ANO3: variants seen among roughly 807,000 people sequenced by gnomAD.
ANO3 encodes anoctamin 3, also known as anoctamin-3.
Under a neutral mutation model 144.8 loss-of-function variants are expected in ANO3, and 99 were observed. The ratio of observed to expected loss-of-function variants is 0.68; its 90% CI spans 0.58 to 0.81. The LOEUF (loss-of-function observed/expected upper bound fraction) is 0.81, where lower values mean the gene tolerates loss of function less well. Among genes scored for constraint, ANO3 ranks in the 30% least tolerant of loss-of-function variants. ANO3 has a pLI of 0.00. For synonymous variants in ANO3, 414 were observed against 392.6 expected, an observed-to-expected ratio of 1.05 and a Z score of -0.64; for missense variants, 905 against 1,202.2, an observed-to-expected ratio of 0.75 and a Z score of 3.66.
chr11:26,199,081 ATTTCTGGGAGATCAAT>A (rs1427953291), intron 1 of ANO3, among the ~76,000 whole-genome samples: 1 of 151,410 alleles, frequency 6.6e-6, no homozygotes, highest in Non-Finnish European at 1.5e-5. Context: ...TTATCTTACT[ATTTCTGGGAGATCAAT>A]TTTAGGTTTC....
At chr11:26,355,561 TC>T (rs1332047058) in intron 1 of ANO3, among the ~76,000 whole-genome samples, 4,457 of 150,618 alleles carry the variant, frequency 0.03, 211 homozygotes, top group African/African-American at 0.096. Context: ...TTTCTTTCTT[TC>T]TTTCTTTTTT....
In ANO3 at chr11:26,662,092, T is replaced by G. The variant is rs1436351131; in HGVS notation, c.*1648T>G. ...TATGTTTCTCTTACTAGAAAACTAT[T>G]TTCTAAATATTAACACTGAAAATGT... On this transcript the variant is annotated 3_prime_UTR_variant, in exon 27 of 27. Coordinates refer to ENST00000256737, the MANE Select transcript of ANO3 (RefSeq NM_031418.4). 2 of 152,072 alleles carry G rather than the reference T, an allele frequency of 1.3e-5. No individual in the cohort carries two copies. The highest frequency in any genetic ancestry group is 2.9e-5 in the Non-Finnish European group (2 of 67,992). 9.4% of individuals were successfully genotyped at this position (152,072 alleles called of 1,614,324 possible). A position where few individuals can be genotyped will look rare whatever the true frequency, so the allele number is the denominator to read the frequency against.
chr11:26,609,992 A>G (rs1852048408), intron 17 of ANO3, among the ~76,000 whole-genome samples: 1 of 152,146 alleles, frequency 6.6e-6, no homozygotes, highest in East Asian at 1.9e-4. Context: ...GCTCACTGCA[A>G]ACTTCACCTC....
rs35818230 is a variant in ANO3, at chr11:26,457,238, TAAAAA to T, written c.314-5786_314-5782del. Among the ~76,000 whole-genome samples the T allele has an allele frequency of 2.0e-5, 3 of 147,924 alleles. No individual in the cohort carries two copies. In the East Asian group the frequency reaches 6.0e-4, roughly 29 times the overall value. On this transcript the variant is annotated intron_variant, in intron 3 of 26. Transcript: ENST00000256737. ...CTTAAGGTATAATTAAAAAAAGAAATAAAAAAAAAACCTGCACGTTTTTGCACATG... is the reference window on the plus strand; with the variant it reads ...CTTAAGGTATAATTAAAAAAAGAAATAAAAACCTGCACGTTTTTGCACATG...
intron 7 of ANO3, among the ~76,000 whole-genome samples, chr11:26,529,738 T>G (rs1345910479): frequency 1.3e-5 from 2 of 151,856 alleles, no homozygotes; most frequent in Non-Finnish European, 2.9e-5. Context: ...GCTATTATTA[T>G]AGTAACTCTG....
rs537422055 is a variant in ANO3, at chr11:26,342,944, A to T, written c.46+10623A>T. ...ACATACTTTGTAAAATTATTACCAC[A>T]ATCAAGCAATTAAAATATCTGTCAC... On this transcript the variant is annotated intron_variant, in intron 1 of 26. Coordinates refer to ENST00000256737, the MANE Select transcript of ANO3 (RefSeq NM_031418.4). Among the ~76,000 whole-genome samples, 6 of 152,328 alleles carry T rather than the reference A, an allele frequency of 3.9e-5. No homozygotes were observed. The South Asian group carries it at 1.2e-3, about 32-fold the overall frequency.
At chr11:26,329,642 C>T (rs1194539234), upstream of ANO3, among the ~76,000 whole-genome samples, 1 of 152,064 alleles carries the variant, frequency 6.6e-6, no homozygotes, top group African/African-American at 2.4e-5. Context: ...GAAAAAAATC[C>T]AATGAGGTTC....
chr11:26,598,101 G>A (rs1203428249), intron 14 of ANO3, among the ~76,000 whole-genome samples: 1 of 152,174 alleles, frequency 6.6e-6, no homozygotes, highest in Non-Finnish European at 1.5e-5. Flanking sequence ...AATATTGATT[G>A]CATCATTTTG....
intron 1 of ANO3, among the ~76,000 whole-genome samples, chr11:26,292,386 T>G (rs1313642543): frequency 6.6e-6 from 1 of 152,144 alleles, no homozygotes; most frequent in Non-Finnish European, 1.5e-5. Flanking sequence ...AGTTTGTTAT[T>G]ACCAATCTTC....
chr11:26,461,527 T>G (rs1351907125), intron 3 of ANO3, among the ~76,000 whole-genome samples: 1 of 152,082 alleles, frequency 6.6e-6, no homozygotes, highest in African/African-American at 2.4e-5. Flanking sequence ...ATTTTAAAAT[T>G]GCATTTCTTC....
chr11:26,443,914 ATT>A, intron 3 of ANO3, 78 bp downstream of exon 3: 10 of 867,072 alleles, frequency 1.2e-5, no homozygotes, highest in South Asian at 3.6e-5. Flanking sequence ...AAAAACTAGC[ATT>A]TTTTTTTTAA....
upstream of ANO3, among the ~76,000 whole-genome samples, chr11:26,328,125 C>T (rs1443890132): frequency 6.6e-6 from 1 of 152,150 alleles, no homozygotes; most frequent in Non-Finnish European, 1.5e-5. Context: ...GCTGATTTTC[C>T]TCCATGACTT....
At chr11:26,619,796 A>C (rs1002995690) in intron 17 of ANO3, among the ~76,000 whole-genome samples, 1 of 152,212 alleles carries the variant, frequency 6.6e-6, no homozygotes, top group South Asian at 2.1e-4. Flanking sequence ...AGTCCTGTTC[A>C]GAATCTCCTT....
intron 14 of ANO3, among the ~76,000 whole-genome samples, chr11:26,561,513 T>C (rs1286830766): frequency 6.6e-6 from 1 of 151,984 alleles, no homozygotes; most frequent in Non-Finnish European, 1.5e-5. Context: ...CATAAAGAAG[T>C]GTAGACCATA....
rs75797791 is a variant in ANO3, at chr11:26,409,606, A to G, written c.47-32312A>G. 1.5e-3 allele frequency among the ~76,000 whole-genome samples: 227 copies of G among 152,146 alleles called. 4 individuals are homozygous for G. The East Asian group carries it at 0.04, about 27-fold the overall frequency. On this transcript the variant is annotated intron_variant, in intron 1 of 26. Transcript: ENST00000256737. ...TTACTTTATAAGTGTGAACTTAAGTATGGAGATACATGTGATGAAATAATG... is the reference window on the plus strand; with the variant it reads ...TTACTTTATAAGTGTGAACTTAAGTGTGGAGATACATGTGATGAAATAATG...
At chr11:26,311,824 C>T (rs1028198769) in intron 1 of ANO3, among the ~76,000 whole-genome samples, 3 of 152,092 alleles carry the variant, frequency 2.0e-5, no homozygotes, top group Non-Finnish European at 2.9e-5. Context: ...TCCCTCTTAA[C>T]TGATTAAAAG....
At chr11:26,286,094 C>G (rs1853800906) in intron 1 of ANO3, 1 of 152,118 alleles carries the variant, frequency 6.6e-6, no homozygotes, top group Non-Finnish European at 1.5e-5. Context: ...GCCGTTAGCT[C>G]AATCTACAGG....
At chr11:26,234,188 T>C (rs779432363) in intron 1 of ANO3, among the ~76,000 whole-genome samples, 2 of 152,232 alleles carry the variant, frequency 1.3e-5, no homozygotes, top group Non-Finnish European at 2.9e-5. Flanking sequence ...TGTTAATAGT[T>C]TGGTAACCAT....
chr11:26,232,675 A>C (rs1032932900), intron 1 of ANO3, among the ~76,000 whole-genome samples: 4 of 152,164 alleles, frequency 2.6e-5, no homozygotes, highest in Non-Finnish European at 5.9e-5. Context: ...AAACCATAAA[A>C]ACCCTAGAAG....
Sources: gnomAD v4.1 joint callset for allele counts (sites outside exome capture counted in the v4.1 genomes callset) on GRCh38, gnomAD v4.1.1 for gene constraint, MANE v1.5 for transcripts, NCBI Gene and HGNC (gene_info 2026-07-23, HGNC 2026-07-21) for gene names.